STXBP5L: variants seen among roughly 807,000 people sequenced by gnomAD.
The protein encoded by STXBP5L is syntaxin-binding protein 5-like.
In STXBP5L, 65 loss-of-function variants were observed where a neutral mutation model predicts 144.5. The ratio of observed to expected loss-of-function variants is 0.45; its 90% CI spans 0.37 to 0.55. STXBP5L has a LOEUF of 0.55. Ranked by LOEUF, STXBP5L falls within the 20% of genes least tolerant of loss-of-function variation. The pLI is 0.00. For missense variants in STXBP5L, 1,298 were observed against 1,405.5 expected, an observed-to-expected ratio of 0.92 and a Z score of 1.22; for synonymous variants, 505 against 469.6, an observed-to-expected ratio of 1.08 and a Z score of -0.97.
At chr3:121,344,177 G>C (rs1018097382) in intron 20 of STXBP5L, among the ~76,000 whole-genome samples, 2 of 152,036 alleles carry the variant, frequency 1.3e-5, no homozygotes, top group Non-Finnish European at 2.9e-5. Context: ...AAATGGTGCT[G>C]GGAAAACTGG....
chr3:121,341,929 G>A (rs905765632), intron 20 of STXBP5L, among the ~76,000 whole-genome samples: 55 of 151,890 alleles, frequency 3.6e-4, no homozygotes, highest in African/African-American at 1.3e-3. Context: ...GTATTTCCTA[G>A]CACAACATGA....
chr3:121,089,866 A>G (rs923166363), intron 5 of STXBP5L, among the ~76,000 whole-genome samples: 2 of 152,026 alleles, frequency 1.3e-5, no homozygotes, highest in African/African-American at 4.8e-5. Context: ...TGTTTAGCTT[A>G]TCCACAGAAT....
chr3:121,297,955 TC>T, intron 19 of STXBP5L, among the ~76,000 whole-genome samples: 1 of 152,236 alleles, frequency 6.6e-6, no homozygotes, highest in East Asian at 1.9e-4. Flanking sequence ...TGCTAATATT[TC>T]TTTGAGAATC....
intron 22 of STXBP5L, among the ~76,000 whole-genome samples, chr3:121,390,136 T>G (rs904888313): frequency 6.6e-6 from 1 of 152,236 alleles, no homozygotes; most frequent in African/African-American, 2.4e-5. Flanking sequence ...TTTACCATTA[T>G]GTAATGGCCT....
chr3:121,053,761 T>C (rs1310172256), intron 5 of STXBP5L, among the ~76,000 whole-genome samples: 1 of 151,960 alleles, frequency 6.6e-6, no homozygotes. Flanking sequence ...ACTAAAGAGC[T>C]TCTGCACAGC....
intron 9 of STXBP5L, among the ~76,000 whole-genome samples, chr3:121,205,488 G>T (rs187029895): frequency 6.6e-6 from 1 of 152,266 alleles, no homozygotes; most frequent in East Asian, 1.9e-4. Flanking sequence ...CAATACTGTT[G>T]CATTGGGGAT....
intron 9 of STXBP5L, among the ~76,000 whole-genome samples, chr3:121,189,001 A>G (rs1257855184): frequency 6.6e-6 from 1 of 152,204 alleles, no homozygotes; most frequent in African/African-American, 2.4e-5. Flanking sequence ...TTCAATTAGG[A>G]AAAGAGGAAG....
At chr3:121,072,182 C>G (rs922783381) in intron 5 of STXBP5L, among the ~76,000 whole-genome samples, 1 of 152,212 alleles carries the variant, frequency 6.6e-6, no homozygotes, top group African/African-American at 2.4e-5. Context: ...ACTTCCTGAG[C>G]TTTCTCTTTC....
At chr3:121,309,265 T>G (rs1485792349) in intron 19 of STXBP5L, among the ~76,000 whole-genome samples, 1 of 152,030 alleles carries the variant, frequency 6.6e-6, no homozygotes, top group African/African-American at 2.4e-5. Flanking sequence ...GAGAGAGATT[T>G]TAGATTTAAA....
chr3:121,344,762 G>A (rs1258541448), intron 20 of STXBP5L, among the ~76,000 whole-genome samples: 1 of 151,794 alleles, frequency 6.6e-6, no homozygotes, highest in African/African-American at 2.4e-5. Context: ...GAAGTAGAAG[G>A]AAGAGGAATT....
At chr3:121,246,462 T>C (rs920287785) in intron 14 of STXBP5L, among the ~76,000 whole-genome samples, 1 of 152,210 alleles carries the variant, frequency 6.6e-6, no homozygotes, top group African/African-American at 2.4e-5. Context: ...ATATTCTGTA[T>C]ATTAAATCTA....
At chr3:120,975,946 C>T (rs1289044115) in intron 3 of STXBP5L, among the ~76,000 whole-genome samples, 1 of 152,092 alleles carries the variant, frequency 6.6e-6, no homozygotes, top group African/African-American at 2.4e-5. Flanking sequence ...TTCTGTTTGC[C>T]AGTATTTTAT....
chr3:121,033,417 G>A (rs1335200919), intron 3 of STXBP5L, among the ~76,000 whole-genome samples: 1 of 110,582 alleles, frequency 9.0e-6, no homozygotes, highest in Non-Finnish European at 1.8e-5. Flanking sequence ...TCTGGGGACT[G>A]TGGTGGGGTC....
chr3:120,969,693 T>TGA lies in STXBP5L; in HGVS notation c.287+14656_287+14657insGA, dbSNP rs1940020029. 2.6e-5 allele frequency among the ~76,000 whole-genome samples: 4 copies of TGA among 152,214 alleles called. No individual in the cohort carries two copies. In the South Asian group the frequency reaches 8.3e-4, roughly 32 times the overall value. ...CGTTTCAGGTCTTATATTTAAGTCT[T>TGA]TTATCTATATTGACTTGATTTTTGT... On this transcript the variant is annotated intron_variant, in intron 3 of 26. Coordinates refer to ENST00000471454, the MANE Select transcript of STXBP5L (RefSeq NM_001308330.2).
At chr3:120,934,260 C>G (rs898383980) in intron 2 of STXBP5L, among the ~76,000 whole-genome samples, 1 of 151,896 alleles carries the variant, frequency 6.6e-6, no homozygotes, top group African/African-American at 2.4e-5. Flanking sequence ...GACCCATGTG[C>G]TATTTAGAAG....
At chr3:121,005,037 C>T (rs957194620) in intron 3 of STXBP5L, among the ~76,000 whole-genome samples, 6 of 152,046 alleles carry the variant, frequency 3.9e-5, no homozygotes, top group Non-Finnish European at 5.9e-5. Flanking sequence ...CTCTGCCAGG[C>T]TTTGGTATCA....
intron 5 of STXBP5L, among the ~76,000 whole-genome samples, chr3:121,068,692 A>T (rs2041664386): frequency 1.3e-5 from 2 of 152,100 alleles, no homozygotes; most frequent in African/African-American, 4.8e-5. Context: ...CCTATAATAC[A>T]TTGCTAATAT....
At chr3:121,293,857 G>T (rs1298496191) in intron 19 of STXBP5L, among the ~76,000 whole-genome samples, 1 of 152,164 alleles carries the variant, frequency 6.6e-6, no homozygotes, top group African/African-American at 2.4e-5. Flanking sequence ...GCAAAACTCT[G>T]CCTCAATAAG....
chr3:121,003,060 G>T (rs1007414209), intron 3 of STXBP5L, among the ~76,000 whole-genome samples: 1 of 152,020 alleles, frequency 6.6e-6, no homozygotes, highest in Non-Finnish European at 1.5e-5. Flanking sequence ...TAATCCTTTG[G>T]GTATATACCC....
Sources: gnomAD v4.1 joint callset for allele counts (sites outside exome capture counted in the v4.1 genomes callset) on GRCh38, gnomAD v4.1.1 for gene constraint, MANE v1.5 for transcripts, NCBI Gene and HGNC (gene_info 2026-07-23, HGNC 2026-07-21) for gene names.